Variants in DENND2B observed in about 807,000 individuals in gnomAD.
DENND2B encodes the protein DENN domain-containing protein 2B.
Under a neutral mutation model 116.0 loss-of-function variants are expected in DENND2B, and 32 were observed. The observed-to-expected ratio is 0.28, with a 90% CI of 0.21 to 0.37. DENND2B has a LOEUF of 0.37. Ranked by LOEUF, DENND2B falls within the 10% of genes least tolerant of loss-of-function variation. DENND2B has a pLI of 1.00. For missense variants in DENND2B, 1,276 were observed against 1,477.7 expected, an observed-to-expected ratio of 0.86 and a Z score of 2.24; for synonymous variants, 588 against 583.9, an observed-to-expected ratio of 1.01 and a Z score of -0.10.
At chr11:8,718,509 C>T (rs1215450489) in intron 4 of DENND2B, 4 of 1,459,098 alleles carry the variant, frequency 2.7e-6, no homozygotes, top group Non-Finnish European at 2.7e-6. Context: ...CAGTGATTAG[C>T]AAGGAGGAAG....
intron 2 of DENND2B, among the ~76,000 whole-genome samples, chr11:8,859,036 C>G (rs2063296019): frequency 1.3e-5 from 2 of 152,172 alleles, no homozygotes; most frequent in African/African-American, 2.4e-5. Context: ...AGACTGAGCC[C>G]TTGGGCGCTC....
intron 2 of DENND2B, among the ~76,000 whole-genome samples, chr11:8,734,258 C>T (rs1357630988): frequency 1.3e-5 from 2 of 152,216 alleles, no homozygotes; most frequent in South Asian, 2.1e-4. Flanking sequence ...CATTTTACAT[C>T]GCAGGGTTGT....
intron 1 of DENND2B, among the ~76,000 whole-genome samples, chr11:8,888,920 T>A (rs1447083599): frequency 6.6e-6 from 1 of 151,724 alleles, no homozygotes; most frequent in Admixed American, 6.6e-5. Flanking sequence ...AAAGGCAAAA[T>A]AAAAGTAACA....
chr11:8,827,305 G>A (rs564433243), intron 4 of DENND2B, among the ~76,000 whole-genome samples: 1 of 152,340 alleles, frequency 6.6e-6, no homozygotes, highest in South Asian at 2.1e-4. Flanking sequence ...CGCACAGCTA[G>A]TGCCAGCAGA....
intron 4 of DENND2B, among the ~76,000 whole-genome samples, chr11:8,821,798 T>C (rs184169425): frequency 1.3e-5 from 2 of 152,340 alleles, no homozygotes; most frequent in African/African-American, 4.8e-5. Context: ...TGTTTTGTTT[T>C]GTTTTGTTTT....
At chr11:8,827,405 A>G (rs2062019167) in intron 4 of DENND2B, among the ~76,000 whole-genome samples, 2 of 152,250 alleles carry the variant, frequency 1.3e-5, no homozygotes, top group African/African-American at 4.8e-5. Context: ...AAGGAAGTCA[A>G]CGATTTCACA....
At chr11:8,882,326 C>T (rs186482664) in intron 1 of DENND2B, among the ~76,000 whole-genome samples, 5 of 152,288 alleles carry the variant, frequency 3.3e-5, no homozygotes, top group South Asian at 2.1e-4. Flanking sequence ...AAGCCTTCTC[C>T]GACTTCTTCC....
intron 4 of DENND2B, among the ~76,000 whole-genome samples, chr11:8,822,468 C>A (rs534553985): frequency 1.3e-5 from 2 of 152,208 alleles, no homozygotes; most frequent in Admixed American, 1.3e-4. Context: ...TATAACTGAA[C>A]GTTTAGCAAC....
intron 1 of DENND2B, among the ~76,000 whole-genome samples, chr11:8,798,750 G>A (rs80223795): frequency 0.018 from 2,763 of 152,010 alleles, 83 homozygotes; most frequent in African/African-American, 0.061. Flanking sequence ...CCTGCAACTG[G>A]AGGGGGTAGG....
At chr11:8,820,806 G>A (rs1371367337) in intron 4 of DENND2B, among the ~76,000 whole-genome samples, 3 of 152,132 alleles carry the variant, frequency 2.0e-5, no homozygotes, top group African/African-American at 7.2e-5. Flanking sequence ...TGCACTAGAT[G>A]GACTATTGTG....
chr11:8,902,998 T>C (rs1301516587), intron 1 of DENND2B, among the ~76,000 whole-genome samples: 1 of 152,100 alleles, frequency 6.6e-6, no homozygotes, highest in Admixed American at 6.5e-5. Context: ...TAGCTGAGAC[T>C]ACAGGCATGC....
Position 8,699,195 on chromosome 11 carries a change from G to A in DENND2B, c.2898+18C>T. On this transcript the variant is annotated intron_variant, in intron 15 of 19. Transcript: ENST00000313726. ...CCCCCTCCACCCTTCCCCCCAGCTG[G>A]TTCCCCCGGTGGCCCACCTCCTCCA... 1.3e-6 allele frequency: 2 copies of A among 1,543,802 alleles called. No individual in the cohort carries two copies. The highest frequency in any genetic ancestry group is 1.7e-6 in the Non-Finnish European group (2 of 1,150,708).
chr11:8,725,058 G>A (rs560280463), intron 4 of DENND2B, among the ~76,000 whole-genome samples: 33 of 152,224 alleles, frequency 2.2e-4, no homozygotes, highest in Non-Finnish European at 4.3e-4. Context: ...AGTCCTTTGC[G>A]ACCCAGGGGT....
chr11:8,853,962 C>T (rs113717499), intron 3 of DENND2B, among the ~76,000 whole-genome samples: 40,890 of 150,460 alleles, frequency 0.27, 5,855 homozygotes, highest in East Asian at 0.53. Context: ...AATCCTCCCC[C>T]CTCAGCCTCC....
chr11:8,707,942 G>A lies in DENND2B; in HGVS notation c.2353-88C>T, dbSNP rs1224849673. On this transcript the variant is annotated intron_variant, in intron 11 of 19. Coordinates refer to ENST00000313726, the MANE Select transcript of DENND2B (RefSeq NM_213618.2). The surrounding 1 kb of genome is among the most constrained non-coding windows in gnomAD (Gnocchi z 4.8). ...TGGCTCCTTTTCCTTGGGAACGGAG[G>A]AGTAAGGACTGCCCTTCTAGTGGAG... 4.5e-6 allele frequency: 7 copies of A among 1,545,472 alleles called. No homozygotes were observed. The highest frequency in any genetic ancestry group is 6.1e-6 in the Non-Finnish European group (7 of 1,147,988).
chr11:8,772,751 T>C (rs557035282), intron 1 of DENND2B, among the ~76,000 whole-genome samples: 21 of 152,144 alleles, frequency 1.4e-4, no homozygotes, highest in Admixed American at 1.2e-3. Context: ...CCAGCAACCT[T>C]ACACACTGAA....
chr11:8,772,078 C>T (rs1307871549), intron 1 of DENND2B, among the ~76,000 whole-genome samples: 2 of 151,654 alleles, frequency 1.3e-5, no homozygotes, highest in East Asian at 1.9e-4. Context: ...GGTTGGTGAA[C>T]ACATCAAGGT....
chr11:8,818,893 A>C (rs543572381), intron 4 of DENND2B, among the ~76,000 whole-genome samples: 1 of 152,202 alleles, frequency 6.6e-6, no homozygotes, highest in East Asian at 1.9e-4. Context: ...ACAGTAGTCC[A>C]GAGTGTCCAA....
intron 1 of DENND2B, among the ~76,000 whole-genome samples, chr11:8,759,460 A>G (rs1280997168): frequency 6.6e-6 from 1 of 152,194 alleles, no homozygotes; most frequent in East Asian, 1.9e-4. Flanking sequence ...TAAGAAGTCA[A>G]GATGCCCGAA....
Sources: allele counts gnomAD v4.1 joint callset (sites outside exome capture counted in the v4.1 genomes callset), GRCh38; gene constraint gnomAD v4.1.1; non-coding constraint Gnocchi (gnomAD v3.1); transcripts MANE v1.5; gene names NCBI Gene and HGNC (gene_info 2026-07-23, HGNC 2026-07-21).